Variants in CCDC85A observed in about 807,000 individuals in gnomAD.
CCDC85A encodes coiled-coil domain-containing protein 85A.
In CCDC85A, 38 loss-of-function variants were observed where a neutral mutation model predicts 50.2. That is an observed-to-expected ratio of 0.76 (90% CI 0.58 to 0.99). The LOEUF (loss-of-function observed/expected upper bound fraction) is 0.99. Among genes scored for constraint, CCDC85A ranks in the 50% least tolerant of loss-of-function variants. The pLI is 0.00. For synonymous variants in CCDC85A, 366 were observed against 301.4 expected, an observed-to-expected ratio of 1.21 and a Z score of -2.22; for missense variants, 820 against 742.0, an observed-to-expected ratio of 1.11 and a Z score of -1.22.
chr2:56,286,340 C>G (rs1228156372), intron 2 of CCDC85A, among the ~76,000 whole-genome samples: 1 of 152,058 alleles, frequency 6.6e-6, no homozygotes, highest in African/African-American at 2.4e-5. Context: ...TTTCTGTCAG[C>G]TAACAATTGC....
At chr2:56,277,079 G>A (rs1257766900) in intron 2 of CCDC85A, among the ~76,000 whole-genome samples, 2 of 152,158 alleles carry the variant, frequency 1.3e-5, no homozygotes, top group Non-Finnish European at 2.9e-5. Flanking sequence ...CTCTCTTTCT[G>A]ATTATTCTTT....
chr2:56,239,343 G>GC (rs1009586606), intron 2 of CCDC85A, among the ~76,000 whole-genome samples: 1 of 152,028 alleles, frequency 6.6e-6, no homozygotes. Context: ...AGGAGAGATG[G>GC]CATAAAGTGG....
intron 2 of CCDC85A, among the ~76,000 whole-genome samples, chr2:56,194,080 C>T (rs1210701387): frequency 6.6e-6 from 1 of 152,170 alleles, no homozygotes; most frequent in African/African-American, 2.4e-5. Flanking sequence ...TTTCTACTCA[C>T]TCAAAATCCA....
intron 2 of CCDC85A, among the ~76,000 whole-genome samples, chr2:56,247,387 T>C (rs1669557951): frequency 6.6e-6 from 1 of 152,214 alleles, no homozygotes; most frequent in Admixed American, 6.5e-5. Flanking sequence ...GAAACACACT[T>C]GAAAGATATA....
At chr2:56,214,425 A>G (rs1201767867) in intron 2 of CCDC85A, among the ~76,000 whole-genome samples, 1 of 152,002 alleles carries the variant, frequency 6.6e-6, no homozygotes, top group Admixed American at 6.6e-5. Flanking sequence ...TGGACACTGT[A>G]GATGAAGATC....
chr2:56,337,477 T>A (rs1463790029), intron 2 of CCDC85A, among the ~76,000 whole-genome samples: 1 of 152,170 alleles, frequency 6.6e-6, no homozygotes, highest in African/African-American at 2.4e-5. Context: ...ATCTGGCCTC[T>A]CCTCCTGTAC....
intron 5 of CCDC85A, among the ~76,000 whole-genome samples, chr2:56,377,620 C>G (rs76830168): frequency 6.6e-6 from 1 of 152,088 alleles, no homozygotes; most frequent in African/African-American, 2.4e-5. Flanking sequence ...GAATTTAGTT[C>G]TAATTTTCAT....
At chr2:56,348,828 G>A (rs1674758938) in intron 3 of CCDC85A, among the ~76,000 whole-genome samples, 1 of 152,262 alleles carries the variant, frequency 6.6e-6, no homozygotes. Context: ...TTGCTGTGGC[G>A]ATAGATATGT....
At chr2:56,233,205 C>T (rs1287866180) in intron 2 of CCDC85A, among the ~76,000 whole-genome samples, 1 of 152,160 alleles carries the variant, frequency 6.6e-6, no homozygotes, top group Non-Finnish European at 1.5e-5. Context: ...GGTTGGTGCA[C>T]ATTGATAGTA....
chr2:56,327,692 A>G (rs560201087), intron 2 of CCDC85A, among the ~76,000 whole-genome samples: 2 of 152,098 alleles, frequency 1.3e-5, no homozygotes, highest in African/African-American at 2.4e-5. Flanking sequence ...GTTCCTTAAC[A>G]TAGAGATCTG....
chr2:56,310,311 A>G (rs1001157417), intron 2 of CCDC85A, among the ~76,000 whole-genome samples: 1 of 152,142 alleles, frequency 6.6e-6, no homozygotes, highest in Non-Finnish European at 1.5e-5. Context: ...ACAGTTTTTG[A>G]CTGACAGGAC....
At chr2:56,272,284 A>C (rs1425288070) in intron 2 of CCDC85A, among the ~76,000 whole-genome samples, 1 of 152,126 alleles carries the variant, frequency 6.6e-6, no homozygotes, top group Non-Finnish European at 1.5e-5. Context: ...TAAAAAAAAA[A>C]CAGCAGAAAG....
At chr2:56,245,591 GGGGGACCACT>G (rs1295118318) in intron 2 of CCDC85A, among the ~76,000 whole-genome samples, 3 of 152,188 alleles carry the variant, frequency 2.0e-5, no homozygotes, top group Admixed American at 6.5e-5. Flanking sequence ...TGTTCTGCAA[GGGGGACCACT>G]GGTGGAGGCT....
At chr2:56,318,284 C>A (rs1314751188) in intron 2 of CCDC85A, among the ~76,000 whole-genome samples, 1 of 151,974 alleles carries the variant, frequency 6.6e-6, no homozygotes, top group Non-Finnish European at 1.5e-5. Context: ...ATAGGCTAGA[C>A]CCTAATGAGG....
intron 5 of CCDC85A, among the ~76,000 whole-genome samples, chr2:56,383,181 T>C (rs1676670557): frequency 6.6e-6 from 1 of 152,008 alleles, no homozygotes; most frequent in South Asian, 2.1e-4. Flanking sequence ...CCCTATATTG[T>C]GTATTACTAT....
intron 2 of CCDC85A, among the ~76,000 whole-genome samples, chr2:56,212,340 C>T (rs963590386): frequency 6.6e-6 from 1 of 151,980 alleles, no homozygotes; most frequent in African/African-American, 2.4e-5. Context: ...CAATGCTTGG[C>T]TTGGCATAAG....
At chr2:56,288,079 A>G (rs576120153) in intron 2 of CCDC85A, among the ~76,000 whole-genome samples, 1 of 152,206 alleles carries the variant, frequency 6.6e-6, no homozygotes, top group South Asian at 2.1e-4. Context: ...ATATCTTGGG[A>G]TGATTGACAG....
At chr2:56,295,812 A>G (rs1671922753) in intron 2 of CCDC85A, among the ~76,000 whole-genome samples, 1 of 152,188 alleles carries the variant, frequency 6.6e-6, no homozygotes, top group African/African-American at 2.4e-5. Context: ...CTCCCCTATC[A>G]TAACAGCTTC....
At chr2:56,289,125 A>T (rs780273481) in intron 2 of CCDC85A, among the ~76,000 whole-genome samples, 2 of 152,334 alleles carry the variant, frequency 1.3e-5, no homozygotes, top group South Asian at 4.1e-4. Flanking sequence ...ATTCAGGTTC[A>T]TAAGTCAGTA....
Sources: gnomAD v4.1 joint callset for allele counts (sites outside exome capture counted in the v4.1 genomes callset) on GRCh38, gnomAD v4.1.1 for gene constraint, MANE v1.5 for transcripts, NCBI Gene and HGNC (gene_info 2026-07-23, HGNC 2026-07-21) for gene names.